The following SLC14A2 variants were observed in gnomAD, a reference collection of about 807,000 sequenced individuals.
SLC14A2 encodes the protein urea transporter 2.
Under a neutral mutation model 104.6 loss-of-function variants are expected in SLC14A2, and 91 were observed. The observed-to-expected ratio is 0.87, with a 90% CI of 0.73 to 1.04. The LOEUF (loss-of-function observed/expected upper bound fraction) is 1.04, where lower values mean the gene tolerates loss of function less well. Ranked by LOEUF, SLC14A2 falls within the 50% of genes least tolerant of loss-of-function variation. The pLI, the probability that SLC14A2 is intolerant of heterozygous loss-of-function variation, is 0.00. For missense variants in SLC14A2, 1,189 were observed against 1,156.0 expected, an observed-to-expected ratio of 1.03 and a Z score of -0.41; for synonymous variants, 476 against 466.4, an observed-to-expected ratio of 1.02 and a Z score of -0.27.
At chr18:45,668,142 C>T in intron 14 of SLC14A2, 120 bp downstream of exon 14, 3 of 1,158,030 alleles carry the variant, frequency 2.6e-6, no homozygotes, top group Admixed American at 2.4e-5. Flanking sequence ...CTAAAAATGA[C>T]TGTTCCCTGG....
chr18:45,323,803 C>T (rs2085207879), intron 1 of SLC14A2, among the ~76,000 whole-genome samples: 1 of 152,150 alleles, frequency 6.6e-6, no homozygotes, highest in Admixed American at 6.5e-5. Flanking sequence ...TAGTCTCAGC[C>T]CTGCCTTCCA....
chr18:45,401,516 G>A (rs530704620), intron 1 of SLC14A2, among the ~76,000 whole-genome samples: 10 of 152,338 alleles, frequency 6.6e-5, no homozygotes, highest in African/African-American at 1.9e-4. Context: ...GATGGCTGAG[G>A]ATGGGAGAGT....
intron 1 of SLC14A2, among the ~76,000 whole-genome samples, chr18:45,226,216 T>A (rs2084114953): frequency 6.6e-6 from 1 of 152,198 alleles, no homozygotes; most frequent in Admixed American, 6.5e-5. Flanking sequence ...TTTACACTGT[T>A]GGTGGGACTG....
At chr18:45,331,264 T>C (rs2085286929) in intron 1 of SLC14A2, among the ~76,000 whole-genome samples, 1 of 152,200 alleles carries the variant, frequency 6.6e-6, no homozygotes, top group African/African-American at 2.4e-5. Flanking sequence ...AATATCCCCT[T>C]ATACAAATAC....
intron 1 of SLC14A2, among the ~76,000 whole-genome samples, chr18:45,304,882 AG>A (rs1487234137): frequency 6.6e-6 from 1 of 152,356 alleles, no homozygotes; most frequent in East Asian, 1.9e-4. Context: ...TTGAGGAATG[AG>A]GGGCAACTCT....
rs149384544 is a variant in SLC14A2 at position 45,304,156 on chromosome 18, T to C, written c.-125+90965T>C. ...ATTGCAAGGGAATTTTAATTGCACA[T>C]GTACATATATATTTTCCTCACAAAC... is the stretch of plus-strand genomic sequence containing the variant. On this transcript the variant is annotated intron_variant, in intron 1 of 20. Coordinates refer to the SLC14A2 transcript ENST00000586448. Among the ~76,000 whole-genome samples, 546 of 152,340 alleles carry C rather than the reference T, an allele frequency of 3.6e-3. 2 individuals carry two copies. The highest frequency in any genetic ancestry group is 0.012 in the African/African-American group (491 of 41,576).
chr18:45,391,361 T>C (rs2085960993), intron 1 of SLC14A2, among the ~76,000 whole-genome samples: 1 of 152,256 alleles, frequency 6.6e-6, no homozygotes, highest in South Asian at 2.1e-4. Flanking sequence ...GTCTTTGCTA[T>C]TGTGAATAGT....
chr18:45,552,153 C>T (rs575383527), intron 2 of SLC14A2, among the ~76,000 whole-genome samples: 11 of 152,104 alleles, frequency 7.2e-5, no homozygotes, highest in Admixed American at 1.3e-4. Flanking sequence ...CCTTCCTTGG[C>T]GTTGAAAGAT....
At chr18:45,497,440 G>A (rs145190975) in intron 2 of SLC14A2, among the ~76,000 whole-genome samples, 174 of 152,290 alleles carry the variant, frequency 1.1e-3, no homozygotes, top group African/African-American at 4.0e-3. Context: ...TTCAGGCAGA[G>A]GGCAATACAC....
intron 2 of SLC14A2, among the ~76,000 whole-genome samples, chr18:45,600,266 T>C (rs9963636): frequency 0.095 from 14,470 of 152,164 alleles, 942 homozygotes; most frequent in African/African-American, 0.18. Context: ...GTCATACTGC[T>C]TGGGACACAA....
chr18:45,636,629 AG>A (rs1337163889), intron 5 of SLC14A2, among the ~76,000 whole-genome samples: 1 of 152,252 alleles, frequency 6.6e-6, no homozygotes, highest in Non-Finnish European at 1.5e-5. Context: ...GGTGATTCAA[AG>A]GCAATACATT....
At chr18:45,281,937 C>T (rs1247388873) in intron 1 of SLC14A2, among the ~76,000 whole-genome samples, 1 of 152,132 alleles carries the variant, frequency 6.6e-6, no homozygotes, top group Non-Finnish European at 1.5e-5. Context: ...TGGCTGCCTC[C>T]CCTGGCATCT....
intron 1 of SLC14A2, among the ~76,000 whole-genome samples, chr18:45,286,807 C>T (rs1356722687): frequency 3.9e-5 from 6 of 152,164 alleles, no homozygotes; most frequent in East Asian, 3.9e-4. Context: ...ATGGAAATGA[C>T]GGAAGGGCTA....
intron 1 of SLC14A2, among the ~76,000 whole-genome samples, chr18:45,243,159 TGGCCTAGCATA>T (rs2084334572): frequency 1.3e-5 from 2 of 152,238 alleles, no homozygotes; most frequent in African/African-American, 4.8e-5. Flanking sequence ...AATGGATTCC[TGGCCTAGCATA>T]AGGCCAGGCA....
intron 10 of SLC14A2, among the ~76,000 whole-genome samples, chr18:45,654,813 C>T (rs1266052752): frequency 6.6e-6 from 1 of 152,200 alleles, no homozygotes; most frequent in Non-Finnish European, 1.5e-5. Flanking sequence ...AAATCCCTCA[C>T]CACCACACAC....
intron 19 of SLC14A2, 53 bp from the exon 20 acceptor site, chr18:45,682,266 A>G (rs2046321124): frequency 6.5e-7 from 1 of 1,543,084 alleles, no homozygotes; most frequent in African/African-American, 1.4e-5. Flanking sequence ...GGGCTGATTA[A>G]AATGCACAGG....
chr18:45,631,507 C>T (rs2045345281), intron 4 of SLC14A2, among the ~76,000 whole-genome samples: 1 of 152,246 alleles, frequency 6.6e-6, no homozygotes, highest in African/African-American at 2.4e-5. Context: ...TTGGATACTA[C>T]CACACTTCTG....
chr18:45,450,260 T>A (rs983086646), intron 1 of SLC14A2, among the ~76,000 whole-genome samples: 1 of 152,190 alleles, frequency 6.6e-6, no homozygotes, highest in Non-Finnish European at 1.5e-5. Context: ...ATATTTTATT[T>A]ATCTATAAAT....
intron 2 of SLC14A2, among the ~76,000 whole-genome samples, chr18:45,527,678 A>C (rs771275414): frequency 6.6e-6 from 1 of 152,212 alleles, no homozygotes; most frequent in Non-Finnish European, 1.5e-5. Flanking sequence ...TCCATTAGGC[A>C]AATCGTTTGT....
Sources: allele counts gnomAD v4.1 joint callset (sites outside exome capture counted in the v4.1 genomes callset), GRCh38; gene constraint gnomAD v4.1.1; transcripts MANE v1.5; gene names NCBI Gene and HGNC (gene_info 2026-07-23, HGNC 2026-07-21).